The following TMEM178B variants were observed in gnomAD, a reference collection of about 807,000 sequenced individuals.
TMEM178B encodes the protein transmembrane protein 178B.
TMEM178B carries 5 observed loss-of-function variants against 31.0 expected under a neutral mutation model. The ratio of observed to expected loss-of-function variants is 0.16; its 90% CI spans 0.08 to 0.34. The LOEUF (loss-of-function observed/expected upper bound fraction) is 0.34, where lower values mean the gene tolerates loss of function less well. Ranked by LOEUF, TMEM178B falls within the 10% of genes least tolerant of loss-of-function variation. TMEM178B has a pLI of 1.00. For missense variants in TMEM178B, 275 were observed against 400.3 expected, an observed-to-expected ratio of 0.69 and a Z score of 2.67; for synonymous variants, 164 against 164.0, an observed-to-expected ratio of 1.00 and a Z score of 0.00.
intron 1 of TMEM178B, among the ~76,000 whole-genome samples, chr7:141,134,417 C>CA (rs1795641937): frequency 6.6e-6 from 1 of 152,102 alleles, no homozygotes; most frequent in African/African-American, 2.4e-5. Flanking sequence ...CATCCATCAC[C>CA]ACTAGACTGA....
chr7:141,289,727 A>AAAG (rs1554472107), intron 2 of TMEM178B, among the ~76,000 whole-genome samples: 2 of 151,420 alleles, frequency 1.3e-5, no homozygotes, highest in African/African-American at 2.4e-5. Flanking sequence ...AAAAAAAAAA[A>AAAG]AAAAGAAAAA....
intron 2 of TMEM178B, among the ~76,000 whole-genome samples, chr7:141,396,498 G>T (rs1024498096): frequency 4.0e-5 from 6 of 151,334 alleles, no homozygotes; most frequent in African/African-American, 1.5e-4. Context: ...GGCTCAACGG[G>T]TCTGGGCCTC....
chr7:141,151,284 T>C (rs1454920960), intron 1 of TMEM178B, among the ~76,000 whole-genome samples: 1 of 152,236 alleles, frequency 6.6e-6, no homozygotes, highest in Non-Finnish European at 1.5e-5. Context: ...AGGTCTCATG[T>C]ACTTTATATT....
intron 1 of TMEM178B, among the ~76,000 whole-genome samples, chr7:141,175,468 A>T (rs995766924): frequency 1.3e-5 from 2 of 151,856 alleles, no homozygotes; most frequent in Admixed American, 1.3e-4. Flanking sequence ...TCCATATGAA[A>T]TTTAAAGTAG....
chr7:141,130,178 C>T lies in TMEM178B; in HGVS notation c.382+55486C>T, dbSNP rs567190897. 1.9e-4 allele frequency among the ~76,000 whole-genome samples: 29 copies of T among 152,282 alleles called. No individual in the cohort carries two copies. In the South Asian group the frequency reaches 4.8e-3, roughly 25 times the overall value. ...AATGCGAATTTTCCCCCACGAAGAA[C>T]GGCTTTGCAGGGCCATTTCAAAATA... On this transcript the variant is annotated intron_variant, in intron 1 of 3. Coordinates refer to ENST00000565468, the MANE Select transcript of TMEM178B (RefSeq NM_001195278.2).
At chr7:141,194,063 T>TC (rs1796741256) in intron 1 of TMEM178B, among the ~76,000 whole-genome samples, 1 of 151,990 alleles carries the variant, frequency 6.6e-6, no homozygotes, top group African/African-American at 2.4e-5. Flanking sequence ...TTCAATTACC[T>TC]CCCCCTGGGG....
intron 2 of TMEM178B, among the ~76,000 whole-genome samples, chr7:141,328,965 T>C (rs1476971140): frequency 6.6e-6 from 1 of 152,220 alleles, no homozygotes; most frequent in Non-Finnish European, 1.5e-5. Context: ...CAGATCATTT[T>C]GATATGCTGT....
intron 1 of TMEM178B, among the ~76,000 whole-genome samples, chr7:141,208,339 G>C (rs190743322): frequency 6.6e-6 from 1 of 152,150 alleles, no homozygotes; most frequent in Non-Finnish European, 1.5e-5. Flanking sequence ...CAGGAGTTTG[G>C]TGAAGAAGGG....
At chr7:141,190,959 A>G (rs1796687607) in intron 1 of TMEM178B, among the ~76,000 whole-genome samples, 3 of 152,170 alleles carry the variant, frequency 2.0e-5, no homozygotes. Flanking sequence ...AACATCGTCA[A>G]TAGGTTCTTG....
At chr7:141,147,935 A>G (rs1795881920) in intron 1 of TMEM178B, among the ~76,000 whole-genome samples, 1 of 152,172 alleles carries the variant, frequency 6.6e-6, no homozygotes. Flanking sequence ...AGAAGAAGAG[A>G]ACAGCGTTAG....
intron 3 of TMEM178B, among the ~76,000 whole-genome samples, chr7:141,446,733 TC>T (rs1486167851): frequency 5.3e-5 from 8 of 152,106 alleles, no homozygotes; most frequent in African/African-American, 1.9e-4. Flanking sequence ...AATTTTCTCA[TC>T]TATAAAAGAG....
intron 2 of TMEM178B, among the ~76,000 whole-genome samples, chr7:141,367,322 G>A (rs1161498908): frequency 6.6e-6 from 1 of 151,772 alleles, no homozygotes; most frequent in Non-Finnish European, 1.5e-5. Context: ...AGGCTTGAGT[G>A]CAGTGACATG....
intron 2 of TMEM178B, among the ~76,000 whole-genome samples, chr7:141,250,930 C>T (rs1447075510): frequency 6.6e-6 from 1 of 152,146 alleles, no homozygotes; most frequent in Non-Finnish European, 1.5e-5. Context: ...CACCTCGCAA[C>T]AGAAGGGCAT....
downstream of TMEM178B, among the ~76,000 whole-genome samples, chr7:141,484,290 C>T (rs1209216846): frequency 6.6e-6 from 1 of 151,924 alleles, no homozygotes; most frequent in Non-Finnish European, 1.5e-5. This position sits in a 1 kb window ranked among gnomAD's most constrained non-coding sequence, Gnocchi z 4.8. Flanking sequence ...ATACTCATTC[C>T]CTCTGCAGAA....
At chr7:141,500,191 C>G in the TMEM178B span, among the ~76,000 whole-genome samples, 2 of 152,152 alleles carry the variant, frequency 1.3e-5, no homozygotes, top group Non-Finnish European at 2.9e-5. Context: ...ATGTGGCAGG[C>G]ACTATCATTG....
chr7:141,319,398 G>C (rs1799059010), intron 2 of TMEM178B, among the ~76,000 whole-genome samples: 1 of 152,158 alleles, frequency 6.6e-6, no homozygotes, highest in South Asian at 2.1e-4. Context: ...GTCTCTGTTA[G>C]TTTAAACTCA....
At chr7:141,493,343 A>G in the TMEM178B span, among the ~76,000 whole-genome samples, 1 of 152,222 alleles carries the variant, frequency 6.6e-6, no homozygotes. Flanking sequence ...CTGACGAAGG[A>G]CAGAGACGAT....
At chr7:141,390,276 G>A (rs923237627) in intron 2 of TMEM178B, among the ~76,000 whole-genome samples, 4 of 152,212 alleles carry the variant, frequency 2.6e-5, no homozygotes, top group African/African-American at 9.6e-5. Context: ...GAAGTTGGGA[G>A]GTGGCTCTGT....
At chr7:141,140,391 T>G (rs1019469848) in intron 1 of TMEM178B, among the ~76,000 whole-genome samples, 1 of 152,234 alleles carries the variant, frequency 6.6e-6, no homozygotes, top group Non-Finnish European at 1.5e-5. Context: ...TTATTTTTAC[T>G]AATAGACTTT....
Sources: gnomAD v4.1 joint callset for allele counts (sites outside exome capture counted in the v4.1 genomes callset) on GRCh38, gnomAD v4.1.1 for gene constraint, Gnocchi (gnomAD v3.1) non-coding constraint, MANE v1.5 for transcripts, NCBI Gene and HGNC (gene_info 2026-07-23, HGNC 2026-07-21) for gene names.